The following FBXW7 variants were observed in gnomAD, a reference collection of about 807,000 sequenced individuals.
FBXW7 encodes the protein F-box/WD repeat-containing protein 7.
In FBXW7, 11 loss-of-function variants were observed where a neutral mutation model predicts 86.3. The ratio of observed to expected loss-of-function variants is 0.13; its 90% CI spans 0.08 to 0.21. FBXW7 has a LOEUF of 0.21. FBXW7 is among the 10% of genes least tolerant of loss of function. FBXW7 has a pLI of 1.00. For synonymous variants in FBXW7, 313 were observed against 297.9 expected, an observed-to-expected ratio of 1.05 and a Z score of -0.52; for missense variants, 488 against 847.4, an observed-to-expected ratio of 0.58 and a Z score of 5.27.
At chr4:152,405,128 T>C (rs544081146) in intron 4 of FBXW7, among the ~76,000 whole-genome samples, 27 of 121,286 alleles carry the variant, frequency 2.2e-4, no homozygotes, top group African/African-American at 8.0e-4. Context: ...AGAGGTGAAA[T>C]GACAACTGTT....
chr4:152,441,591 T>C (rs550457249), intron 2 of FBXW7, among the ~76,000 whole-genome samples: 12 of 152,206 alleles, frequency 7.9e-5, no homozygotes, highest in African/African-American at 2.9e-4. Flanking sequence ...AATAATAAAA[T>C]GGAAGTAAAG....
chr4:152,530,900 C>G (rs1749971411), intron 2 of FBXW7: 1 of 152,170 alleles, frequency 6.6e-6, no homozygotes, highest in Non-Finnish European at 1.5e-5. Context: ...CCTGTAAAAC[C>G]TAAAATATTT....
intron 2 of FBXW7, among the ~76,000 whole-genome samples, chr4:152,500,168 G>A (rs745741029): frequency 6.6e-6 from 1 of 152,192 alleles, no homozygotes; most frequent in Non-Finnish European, 1.5e-5. Flanking sequence ...GAATACTGGA[G>A]AGGGAATAGG....
intron 2 of FBXW7, among the ~76,000 whole-genome samples, chr4:152,450,479 T>C (rs1741812623): frequency 1.3e-5 from 2 of 152,240 alleles, no homozygotes; most frequent in East Asian, 1.9e-4. Context: ...AATCTAGCTA[T>C]ACCCCTGCTC....
intron 2 of FBXW7, among the ~76,000 whole-genome samples, chr4:152,450,159 T>C (rs1323319438): frequency 6.6e-6 from 1 of 152,216 alleles, no homozygotes; most frequent in East Asian, 1.9e-4. Flanking sequence ...CTTAAATCAA[T>C]TTCCAGAATA....
intron 4 of FBXW7, among the ~76,000 whole-genome samples, chr4:152,391,757 G>A (rs1235263669): frequency 1.3e-5 from 2 of 152,128 alleles, no homozygotes; most frequent in Non-Finnish European, 2.9e-5. Flanking sequence ...CTAAGGCTCA[G>A]AAAGGCTTAC....
At chr4:152,431,034 A>T (rs1739846207) in intron 2 of FBXW7, among the ~76,000 whole-genome samples, 1 of 152,214 alleles carries the variant, frequency 6.6e-6, no homozygotes, top group Non-Finnish European at 1.5e-5. Context: ...CCTGCCAAGA[A>T]TTTGAAAAGG....
At chr4:152,491,095 G>A (rs913520187) in intron 2 of FBXW7, among the ~76,000 whole-genome samples, 1 of 152,110 alleles carries the variant, frequency 6.6e-6, no homozygotes, top group Non-Finnish European at 1.5e-5. Context: ...CAACTGACAG[G>A]ACTTTCCGGA....
At chr4:152,454,408 T>C (rs1742219833) in intron 2 of FBXW7, among the ~76,000 whole-genome samples, 1 of 152,138 alleles carries the variant, frequency 6.6e-6, no homozygotes, top group Non-Finnish European at 1.5e-5. Context: ...CTTTTTGTTT[T>C]CTTTTGCCTA....
At chr4:152,439,016 G>A (rs1258498452) in intron 2 of FBXW7, among the ~76,000 whole-genome samples, 1 of 152,136 alleles carries the variant, frequency 6.6e-6, no homozygotes, top group Non-Finnish European at 1.5e-5. Context: ...ATTTTCCCCA[G>A]CATAGTAAAG....
At chr4:152,471,865 A>C (rs1314748871) in intron 2 of FBXW7, among the ~76,000 whole-genome samples, 2 of 152,126 alleles carry the variant, frequency 1.3e-5, no homozygotes, top group Non-Finnish European at 2.9e-5. Context: ...AGGCCACTGC[A>C]CTCCAGCCTG....
intron 2 of FBXW7, among the ~76,000 whole-genome samples, chr4:152,479,361 T>C (rs1744681744): frequency 6.6e-6 from 1 of 152,120 alleles, no homozygotes; most frequent in African/African-American, 2.4e-5. Flanking sequence ...GTCTCAAAGA[T>C]ATCTATTTTT....
At chr4:152,396,466 G>A (rs1181982725) in intron 4 of FBXW7, among the ~76,000 whole-genome samples, 1 of 151,934 alleles carries the variant, frequency 6.6e-6, no homozygotes, top group Non-Finnish European at 1.5e-5. Context: ...CAGCAATACT[G>A]TTAAATGAAT....
At chr4:152,441,238 C>T (rs746469944) in intron 2 of FBXW7, among the ~76,000 whole-genome samples, 28 of 152,060 alleles carry the variant, frequency 1.8e-4, no homozygotes, top group Non-Finnish European at 2.9e-4. Context: ...TTCTTTACTC[C>T]TCCCTTCTTT....
intron 2 of FBXW7, among the ~76,000 whole-genome samples, chr4:152,498,999 G>A (rs1009802535): frequency 8.5e-5 from 13 of 152,150 alleles, no homozygotes; most frequent in African/African-American, 2.9e-4. Flanking sequence ...GAATCTATTT[G>A]AGGTGGTTTC....
intron 2 of FBXW7, among the ~76,000 whole-genome samples, chr4:152,523,019 TACC>T (rs1560998380): frequency 6.6e-6 from 1 of 152,230 alleles, no homozygotes; most frequent in Non-Finnish European, 1.5e-5. Flanking sequence ...AAACTAAAAC[TACC>T]ACCAAGTGAC....
intron 4 of FBXW7, among the ~76,000 whole-genome samples, chr4:152,408,800 T>G (rs1418798093): frequency 6.6e-6 from 1 of 152,210 alleles, no homozygotes; most frequent in Non-Finnish European, 1.5e-5. Context: ...TTAAAATCTC[T>G]CATCACGTAG....
At chr4:152,348,794 G>C (rs1292453549) in intron 5 of FBXW7, 1 of 689,336 alleles carries the variant, frequency 1.5e-6, no homozygotes, top group African/African-American at 1.9e-5. Flanking sequence ...TGACTAGAAG[G>C]GAAAAGCAAA....
At chr4:152,425,557 T>C (rs1210533843) in intron 2 of FBXW7, among the ~76,000 whole-genome samples, 1 of 151,934 alleles carries the variant, frequency 6.6e-6, no homozygotes, top group Non-Finnish European at 1.5e-5. Context: ...ATGAAAAACT[T>C]TCTCAAATGA....
Sources: gnomAD v4.1 joint callset for allele counts (sites outside exome capture counted in the v4.1 genomes callset) on GRCh38, gnomAD v4.1.1 for gene constraint, MANE v1.5 for transcripts, NCBI Gene and HGNC (gene_info 2026-07-23, HGNC 2026-07-21) for gene names.